EXT1: variants seen among roughly 807,000 people sequenced by gnomAD.
The protein encoded by EXT1 is exostosin-1.
In EXT1, 20 loss-of-function variants were observed where a neutral mutation model predicts 82.5. The observed-to-expected ratio is 0.24, with a 90% CI of 0.17 to 0.35. The LOEUF (loss-of-function observed/expected upper bound fraction) is 0.35. Among genes scored for constraint, EXT1 ranks in the 10% least tolerant of loss-of-function variants. The pLI is 1.00. For missense variants in EXT1, 757 were observed against 936.5 expected, an observed-to-expected ratio of 0.81 and a Z score of 2.50; for synonymous variants, 348 against 350.8, an observed-to-expected ratio of 0.99 and a Z score of 0.09.
At chr8:117,915,713 G>A (rs1274802025) in intron 1 of EXT1, among the ~76,000 whole-genome samples, 10 of 152,046 alleles carry the variant, frequency 6.6e-5, no homozygotes, top group South Asian at 2.1e-4. Flanking sequence ...AAAGTTAGCC[G>A]GGCATGGTGG....
chr8:118,042,001 C>T (rs187940882), intron 1 of EXT1, among the ~76,000 whole-genome samples: 19 of 152,086 alleles, frequency 1.2e-4, no homozygotes, highest in Admixed American at 9.2e-4. Context: ...AACATCACAT[C>T]TGTCACCTCA....
intron 1 of EXT1, among the ~76,000 whole-genome samples, chr8:117,886,130 T>C (rs967267400): frequency 5.3e-5 from 8 of 152,168 alleles, no homozygotes; most frequent in African/African-American, 1.2e-4. Flanking sequence ...ACCTGACATA[T>C]AAAGATCAAA....
rs117114210 is a variant in EXT1, at chr8:117,900,363, T to A, written c.963-63162A>T. Among the ~76,000 whole-genome samples, 153 of 152,332 alleles carry A rather than the reference T, an allele frequency of 1.0e-3. 5 individuals are homozygous for A. In the East Asian group the frequency reaches 0.027, roughly 27 times the overall value. On this transcript the variant is annotated intron_variant, in intron 1 of 10. Coordinates refer to ENST00000378204, the MANE Select transcript of EXT1 (RefSeq NM_000127.3). ...ATGAGGAAGCTCCTCACATTGTTTT[T>A]AACAGCAAGTTCAAAACAATCTTAT...
intron 1 of EXT1, among the ~76,000 whole-genome samples, chr8:118,093,616 G>C (rs1384623280): frequency 2.0e-5 from 3 of 152,224 alleles, no homozygotes; most frequent in Non-Finnish European, 4.4e-5. Context: ...AACTGGATAG[G>C]AATCAGATCA....
chr8:117,984,944 G>A (rs1482909776), intron 1 of EXT1, among the ~76,000 whole-genome samples: 3 of 152,150 alleles, frequency 2.0e-5, no homozygotes, highest in Admixed American at 2.0e-4. Flanking sequence ...AACACAGTCA[G>A]GAACGCTACG....
intron 1 of EXT1, among the ~76,000 whole-genome samples, chr8:118,068,418 A>C (rs964474270): frequency 1.4e-4 from 22 of 152,138 alleles, no homozygotes; most frequent in African/African-American, 5.3e-4. Flanking sequence ...GCACCTATCA[A>C]CCCATCACCT....
At chr8:117,954,115 A>G (rs1814543901) in intron 1 of EXT1, among the ~76,000 whole-genome samples, 1 of 152,130 alleles carries the variant, frequency 6.6e-6, no homozygotes, top group African/African-American at 2.4e-5. Flanking sequence ...CTTCCTTTCT[A>G]GAAGAATCTC....
At chr8:117,834,397 A>G (rs1812150536) in intron 3 of EXT1, among the ~76,000 whole-genome samples, 2 of 152,074 alleles carry the variant, frequency 1.3e-5, no homozygotes, top group Non-Finnish European at 2.9e-5. Context: ...CTGAGGTTAG[A>G]AGTTCGAGAA....
intron 1 of EXT1, among the ~76,000 whole-genome samples, chr8:118,101,326 G>T (rs1018683233): frequency 6.6e-6 from 1 of 152,000 alleles, no homozygotes; most frequent in Non-Finnish European, 1.5e-5. Context: ...AAGACAAAAG[G>T]GTACACAAAA....
intron 1 of EXT1, among the ~76,000 whole-genome samples, chr8:118,065,416 C>T (rs1265958180): frequency 6.6e-6 from 1 of 152,154 alleles, no homozygotes; most frequent in Admixed American, 6.5e-5. Context: ...AGGAACTAAA[C>T]TGTGGCAAAA....
intron 1 of EXT1, among the ~76,000 whole-genome samples, chr8:118,029,730 G>A (rs1816274031): frequency 6.6e-6 from 1 of 152,146 alleles, no homozygotes; most frequent in Admixed American, 6.6e-5. Context: ...GGCCAATAAT[G>A]TCAAAGTCTT....
At chr8:117,805,687 C>A (rs28357251) in intron 9 of EXT1, among the ~76,000 whole-genome samples, 151 of 152,248 alleles carry the variant, frequency 9.9e-4, no homozygotes, top group East Asian at 2.9e-3. Flanking sequence ...TCCAAGCTAT[C>A]CCTGAGATAG....
chr8:118,054,432 C>T (rs990782194), intron 1 of EXT1, among the ~76,000 whole-genome samples: 2 of 152,276 alleles, frequency 1.3e-5, no homozygotes, highest in Middle Eastern at 3.4e-3. Flanking sequence ...AAGGCCAGTC[C>T]ACAGCAACTA....
At chr8:117,934,747 T>C (rs1399159392) in intron 1 of EXT1, among the ~76,000 whole-genome samples, 1 of 152,214 alleles carries the variant, frequency 6.6e-6, no homozygotes, top group African/African-American at 2.4e-5. Flanking sequence ...AATGGATACC[T>C]GACTCAGGCA....
At chr8:117,826,221 C>G (rs1046780079) in intron 4 of EXT1, among the ~76,000 whole-genome samples, 1 of 152,194 alleles carries the variant, frequency 6.6e-6, no homozygotes, top group African/African-American at 2.4e-5. Context: ...AACGTACTAA[C>G]AACCTGACCC....
intron 1 of EXT1, among the ~76,000 whole-genome samples, chr8:117,895,664 G>C (rs561869723): frequency 6.6e-6 from 1 of 152,220 alleles, no homozygotes; most frequent in Admixed American, 6.5e-5. Context: ...AACTAATAGG[G>C]ACTGGCATTT....
intron 1 of EXT1, among the ~76,000 whole-genome samples, chr8:117,977,102 T>A (rs1815079870): frequency 6.6e-6 from 1 of 152,036 alleles, no homozygotes; most frequent in Non-Finnish European, 1.5e-5. Flanking sequence ...TGACCATATA[T>A]CTGGCCGGGC....
chr8:117,797,075 T>C lies in EXT1; in HGVS notation c.*2637A>G, dbSNP rs149145225. On this transcript the variant is annotated 3_prime_UTR_variant, in exon 11 of 11. Transcript: ENST00000378204. ...CCCACTTAGGGACCCCTAGTTATCA[T>C]TAAAGTTGACCAGGAGATAATTCCT... The C allele has an allele frequency of 1.5e-4, 23 of 152,338 alleles. 1 individual carries two copies. In the East Asian group the frequency reaches 4.4e-3, roughly 29 times the overall value. 9.4% of individuals were successfully genotyped at this position (152,338 alleles called of 1,614,324 possible).
At chr8:118,031,434 G>A (rs7011170) in intron 1 of EXT1, among the ~76,000 whole-genome samples, 48,879 of 151,672 alleles carry the variant, frequency 0.32, 10,855 homozygotes, top group African/African-American at 0.63. Context: ...CTGAAGCAGG[G>A]GAATTGCTTG....
Sources: gnomAD v4.1 joint callset for allele counts (sites outside exome capture counted in the v4.1 genomes callset) on GRCh38, gnomAD v4.1.1 for gene constraint, MANE v1.5 for transcripts, NCBI Gene and HGNC (gene_info 2026-07-23, HGNC 2026-07-21) for gene names.